The following LDLRAD4 variants were observed in gnomAD, a reference collection of about 807,000 sequenced individuals.
LDLRAD4 encodes low density lipoprotein receptor class A domain containing 4, also known as low-density lipoprotein receptor class A domain-containing protein 4.
A neutral mutation model predicts 17.0 loss-of-function variants in LDLRAD4; 5 were observed. That is an observed-to-expected ratio of 0.29 (90% CI 0.15 to 0.62). The LOEUF (loss-of-function observed/expected upper bound fraction) is 0.62. Ranked by LOEUF, LDLRAD4 falls within the 20% of genes least tolerant of loss-of-function variation. The pLI is 0.84. For synonymous variants in LDLRAD4, 168 were observed against 171.8 expected, an observed-to-expected ratio of 0.98 and a Z score of 0.17; for missense variants, 340 against 424.7, an observed-to-expected ratio of 0.80 and a Z score of 1.75.
chr18:13,504,637 A>G (rs2093662660), intron 3 of LDLRAD4, among the ~76,000 whole-genome samples: 1 of 152,170 alleles, frequency 6.6e-6, no homozygotes, highest in Non-Finnish European at 1.5e-5. Context: ...TATGTTGGCC[A>G]GGCTGGACCC....
At chr18:13,342,552 G>C (rs1185485059) in intron 1 of LDLRAD4, among the ~76,000 whole-genome samples, 1 of 101,788 alleles carries the variant, frequency 9.8e-6, no homozygotes, top group Non-Finnish European at 1.9e-5. Flanking sequence ...TATTATTTCT[G>C]ACACTATTAT....
At position 13,643,349 on chromosome 18, in the gene LDLRAD4, C is replaced by G. The variant is rs2042772746; in HGVS notation, c.337-10C>G. ...GTTCCCCCCACTCTCCTCCCCTTCC[C>G]CTCCGCCAGGAAGGGTGCCTGTGGC... On this transcript the variant is annotated splice_polypyrimidine_tract_variant and intron_variant, in intron 4 of 5. Transcript: ENST00000359446. 1 of 1,470,018 alleles carries G rather than the reference C, an allele frequency of 6.8e-7. No homozygotes were observed. 91.1% of individuals were successfully genotyped at this position (1,470,018 alleles called of 1,614,324 possible).
chr18:13,328,142 C>T, intron 1 of LDLRAD4, among the ~76,000 whole-genome samples: 1 of 152,188 alleles, frequency 6.6e-6, no homozygotes, highest in Admixed American at 6.5e-5. Flanking sequence ...GCATTCTCTT[C>T]CTGATACAAA....
In LDLRAD4 at chr18:13,408,055, A is replaced by G. The variant is rs150836925; in HGVS notation, c.40+20293A>G. On this transcript the variant is annotated intron_variant, in intron 2 of 5. Transcript: ENST00000359446. ...ACACAAAATATAGTGTGTTACAATT[A>G]CTGTCACCTTATATTCAATTATATA... 3.9e-5 allele frequency among the ~76,000 whole-genome samples: 6 copies of G among 152,316 alleles called. No homozygotes were observed. In the East Asian group the frequency reaches 1.2e-3, roughly 29 times the overall value.
At chr18:13,436,491 A>G (rs1352343487) in intron 2 of LDLRAD4, among the ~76,000 whole-genome samples, 1 of 152,190 alleles carries the variant, frequency 6.6e-6, no homozygotes, top group African/African-American at 2.4e-5. Context: ...TAAGAGTTTG[A>G]TTCAATTCAG....
intron 1 of LDLRAD4, among the ~76,000 whole-genome samples, chr18:13,262,530 A>G (rs1475486036): frequency 1.5e-3 from 133 of 91,156 alleles, no homozygotes; most frequent in African/African-American, 2.6e-3. Flanking sequence ...CTGTGCGTGG[A>G]AACTGAGTCC....
chr18:13,548,922 A>G (rs536145306), intron 3 of LDLRAD4, among the ~76,000 whole-genome samples: 1 of 152,374 alleles, frequency 6.6e-6, no homozygotes, highest in South Asian at 2.1e-4. Flanking sequence ...AATGCAAGGA[A>G]TACTTTTTTC....
intron 3 of LDLRAD4, among the ~76,000 whole-genome samples, chr18:13,479,368 C>A (rs949757268): frequency 6.6e-6 from 1 of 152,218 alleles, no homozygotes. Context: ...CATCTGTAAT[C>A]CCAGCACTTT....
chr18:13,517,110 C>G (rs141897297), intron 3 of LDLRAD4, among the ~76,000 whole-genome samples: 43 of 152,344 alleles, frequency 2.8e-4, no homozygotes, highest in African/African-American at 9.4e-4. Context: ...CTTGGCCTCC[C>G]AAAGTGCCAG....
At chr18:13,220,382 G>A (rs1162783740) in intron 1 of LDLRAD4, among the ~76,000 whole-genome samples, 1 of 152,172 alleles carries the variant, frequency 6.6e-6, no homozygotes, top group Non-Finnish European at 1.5e-5. Context: ...GTGTAGGTTT[G>A]TATTTACATT....
At chr18:13,496,030 C>T (rs1395954083) in intron 3 of LDLRAD4, among the ~76,000 whole-genome samples, 1 of 152,172 alleles carries the variant, frequency 6.6e-6, no homozygotes, top group African/African-American at 2.4e-5. Flanking sequence ...ACCCGCCTGG[C>T]CTCCCTTCTC....
chr18:13,470,198 A>C (rs2092729500), intron 3 of LDLRAD4, among the ~76,000 whole-genome samples: 1 of 152,068 alleles, frequency 6.6e-6, no homozygotes, highest in Admixed American at 6.5e-5. Flanking sequence ...GACCTTTGCA[A>C]ATCTCCAATA....
intron 1 of LDLRAD4, among the ~76,000 whole-genome samples, chr18:13,292,590 A>T (rs954915002): frequency 1.1e-4 from 16 of 152,340 alleles, no homozygotes; most frequent in African/African-American, 3.8e-4. Context: ...GGAAATGTTG[A>T]AAACCTTTAC....
At chr18:13,245,105 T>A (rs982279312) in intron 1 of LDLRAD4, among the ~76,000 whole-genome samples, 2 of 152,188 alleles carry the variant, frequency 1.3e-5, no homozygotes, top group African/African-American at 4.8e-5. Flanking sequence ...GAGCTGTGCC[T>A]GAGTCAGCGT....
At chr18:13,316,613 A>G (rs2080947974) in intron 1 of LDLRAD4, among the ~76,000 whole-genome samples, 1 of 152,206 alleles carries the variant, frequency 6.6e-6, no homozygotes, top group Non-Finnish European at 1.5e-5. Context: ...GTGGGGTGTG[A>G]TGTGCAGGCA....
intron 3 of LDLRAD4, among the ~76,000 whole-genome samples, chr18:13,441,315 G>A (rs1351581456): frequency 6.6e-6 from 1 of 152,166 alleles, no homozygotes; most frequent in African/African-American, 2.4e-5. Flanking sequence ...ACAGCAGGCA[G>A]ACAGCCTGCC....
chr18:13,308,284 C>T (rs990416829), intron 1 of LDLRAD4, among the ~76,000 whole-genome samples: 5 of 152,196 alleles, frequency 3.3e-5, no homozygotes, highest in Non-Finnish European at 7.3e-5. Context: ...ATAGACATGC[C>T]AGTTTACATA....
At chr18:13,600,676 C>G (rs965559010) in intron 3 of LDLRAD4, among the ~76,000 whole-genome samples, 7 of 152,208 alleles carry the variant, frequency 4.6e-5, no homozygotes, top group Non-Finnish European at 1.0e-4. Context: ...GCCAGGATTT[C>G]TGCCTCTCAG....
At chr18:13,296,577 C>CTTTTTTTTTTTT (rs757574079) in intron 1 of LDLRAD4, among the ~76,000 whole-genome samples, 1 of 134,852 alleles carries the variant, frequency 7.4e-6, no homozygotes, top group African/African-American at 2.8e-5. Flanking sequence ...TTCTCTTAAC[C>CTTTTTTTTTTTT]TTTTTTTTTT....
Sources: allele counts gnomAD v4.1 joint callset (sites outside exome capture counted in the v4.1 genomes callset), GRCh38; gene constraint gnomAD v4.1.1; transcripts MANE v1.5; gene names NCBI Gene and HGNC (gene_info 2026-07-23, HGNC 2026-07-21).